The following MEP1A variants were observed in gnomAD, a reference collection of about 807,000 sequenced individuals.
MEP1A encodes the protein meprin A subunit alpha, also known as N-benzoyl-L-tyrosyl-P-amino-benzoic acid hydrolase subunit alpha.
Under a neutral mutation model 84.5 loss-of-function variants are expected in MEP1A, and 68 were observed. That is an observed-to-expected ratio of 0.80 (90% CI 0.66 to 0.98). The LOEUF (loss-of-function observed/expected upper bound fraction) is 0.98, where lower values mean the gene tolerates loss of function less well. Ranked by LOEUF, MEP1A falls within the 50% of genes least tolerant of loss-of-function variation. MEP1A has a pLI of 0.00. For synonymous variants in MEP1A, 337 were observed against 336.8 expected (o/e 1.00, Z -0.01); for missense variants, 887 against 919.9 (o/e 0.96, Z 0.46).
rs1485790670 is a variant in MEP1A at position 46,793,403 on chromosome 6, C to G, written c.5C>G (p.Ala2Gly). Residue 2 changes from alanine (A) to glycine (G), a missense_variant, in exon 1 of 14, where the codon GCT (alanine) becomes GGT (glycine). Ala to Gly is a moderately conservative substitution (Grantham distance 60, BLOSUM62 0). Transcript: ENST00000230588. The part of the protein sequence containing the change: M[A>G]WIRSTCILFF... ...AAAATCAGCTCACTTGCAGCAATGG[C>G]TTGGATTAGATCCACTTGCATTCTC... The G allele has an allele frequency of 6.3e-7, 1 of 1,584,280 alleles. No homozygotes were observed. Among genetic ancestry groups the G allele is most frequent in the East Asian group, 2.2e-5 (1 of 44,496 alleles).
chr6:46,794,973 A>T (rs1767018437), intron 3 of MEP1A, among the ~76,000 whole-genome samples: 1 of 152,164 alleles, frequency 6.6e-6, no homozygotes. Context: ...TCTTCTTTTT[A>T]GGCCATTTCA....
At position 46,826,339 on chromosome 6, in the gene MEP1A, A is replaced by G; in HGVS notation, c.779-15A>G. ...TCTTTCATTTTTAACCAGATGATAA[A>G]AATATAATTTGCAGCCACAACTCAC... On this transcript the variant is annotated splice_polypyrimidine_tract_variant and intron_variant, in intron 8 of 13. Transcript: ENST00000230588. The G allele has an allele frequency of 6.3e-7, 1 of 1,578,134 alleles. No individual in the cohort carries two copies. The highest frequency in any genetic ancestry group is 1.2e-5 in the South Asian group (1 of 83,160).
At chr6:46,796,629 G>T in intron 3 of MEP1A, among the ~76,000 whole-genome samples, 1 of 151,730 alleles carries the variant, frequency 6.6e-6, no homozygotes. Context: ...GACACATTAG[G>T]CATTTAATAA....
At chr6:46,803,870 A>G (rs1192650638) in intron 5 of MEP1A, among the ~76,000 whole-genome samples, 1 of 151,646 alleles carries the variant, frequency 6.6e-6, no homozygotes, top group Non-Finnish European at 1.5e-5. Flanking sequence ...ATGGGATAAA[A>G]GTATGTTTAC....
intron 3 of MEP1A, among the ~76,000 whole-genome samples, chr6:46,797,920 TTCCTTCCTTCTTTCCTTCC>T (rs1562102787): frequency 0.053 from 2,356 of 44,860 alleles, 91 homozygotes; most frequent in African/African-American, 0.13. Context: ...CCTTCCTTCC[TTCCTTCCTTCTTTCCTTCC>T]TTCCTTCCTT....
intron 9 of MEP1A, among the ~76,000 whole-genome samples, chr6:46,829,077 C>A (rs536152589): frequency 1.3e-4 from 20 of 152,312 alleles, no homozygotes; most frequent in Non-Finnish European, 2.9e-5. Flanking sequence ...TCAAACATTG[C>A]TTGAAGCCTG....
At position 46,826,396 on chromosome 6, in the gene MEP1A, C is replaced by G; in HGVS notation, c.821C>G (p.Ala274Gly). The G allele has an allele frequency of 8.7e-6, 14 of 1,609,948 alleles. No individual in the cohort carries two copies. Among genetic ancestry groups the G allele is most frequent in the Non-Finnish European group, 1.2e-5 (14 of 1,178,008 alleles). Residue 274 changes from alanine to glycine, a missense_variant, in exon 9 of 14, where the codon GCA becomes GGA. Physicochemically the swap from Ala to Gly is moderately conservative, Grantham distance 60 (BLOSUM62 0). Transcript: ENST00000230588. ...TLLDHCTFEK[A>G]NICGMIQGTR... Reference sequence around the variant, plus strand: ...TTGGACCACTGTACTTTTGAGAAGGCAAACATCTGTGGAATGATTCAGGGC... The same window carrying G: ...TTGGACCACTGTACTTTTGAGAAGGGAAACATCTGTGGAATGATTCAGGGC...
chr6:46,794,042 A>G (rs1270961538), intron 3 of MEP1A, among the ~76,000 whole-genome samples: 2 of 152,250 alleles, frequency 1.3e-5, no homozygotes, highest in Non-Finnish European at 2.9e-5. Flanking sequence ...AAAGAAAAAT[A>G]TAAGAATAAG....
chr6:46,799,004 T>C, intron 4 of MEP1A, 102 bp from the exon 5 acceptor site: 1 of 744,336 alleles, frequency 1.3e-6, no homozygotes, highest in Non-Finnish European at 2.4e-6. Flanking sequence ...ACTGTTTGAG[T>C]TGTGTGATAG....
At chr6:46,827,613 G>A (rs1268692725) in intron 9 of MEP1A, among the ~76,000 whole-genome samples, 1 of 152,158 alleles carries the variant, frequency 6.6e-6, no homozygotes, top group African/African-American at 2.4e-5. Flanking sequence ...CAGATACCAG[G>A]CCACCACAGG....
rs372174070 is a variant in MEP1A at position 46,839,156 on chromosome 6, C to G, written c.*20C>G. 2.5e-6 allele frequency: 4 copies of G among 1,604,944 alleles called. No homozygotes were observed. Among genetic ancestry groups the G allele is most frequent in the Non-Finnish European group, 3.4e-6 (4 of 1,175,256 alleles). ...AAGTGACCTGCCTGCTGGCATTGGCCAGACCACAGCAGCACCTCCTCCATG... is the reference window on the plus strand; with the variant it reads ...AAGTGACCTGCCTGCTGGCATTGGCGAGACCACAGCAGCACCTCCTCCATG... On this transcript the variant is annotated 3_prime_UTR_variant, in exon 14 of 14. Transcript: ENST00000230588.
At chr6:46,834,314 T>G (rs1205763990) in intron 11 of MEP1A, among the ~76,000 whole-genome samples, 1 of 152,068 alleles carries the variant, frequency 6.6e-6, no homozygotes, top group Non-Finnish European at 1.5e-5. Context: ...AGTCGCTCAG[T>G]AGCAGACAAC....
chr6:46,793,473 T>C lies in MEP1A; in HGVS notation c.69+6T>C, dbSNP rs754264762. 1 of 1,610,758 alleles carries C rather than the reference T, an allele frequency of 6.2e-7. No individual in the cohort carries two copies. The highest frequency in any genetic ancestry group is 1.1e-5 in the South Asian group (1 of 90,218). The stretch of plus-strand genomic sequence containing the variant: ...CCCACATAGCAGCTGTACCGGTAAG[T>C]CGAGTCCTGCTTTTTGGATATTTAG... On this transcript the variant is annotated splice_donor_region_variant and intron_variant, in intron 1 of 13. Coordinates refer to ENST00000230588, the MANE Select transcript of MEP1A (RefSeq NM_005588.3).
intron 6 of MEP1A, among the ~76,000 whole-genome samples, chr6:46,809,945 C>A (rs188641679): frequency 6.6e-6 from 1 of 151,304 alleles, no homozygotes; most frequent in Non-Finnish European, 1.5e-5. Context: ...GTATCTTTTT[C>A]GTATAATGAC....
intron 6 of MEP1A, among the ~76,000 whole-genome samples, chr6:46,814,945 T>C (rs9472875): frequency 0.015 from 2,230 of 152,190 alleles, 50 homozygotes; most frequent in African/African-American, 0.05. Context: ...CCAGTGGAGG[T>C]AGCATGGGAA....
chr6:46,807,781 A>G (rs1348769707), intron 5 of MEP1A, among the ~76,000 whole-genome samples: 1 of 87,740 alleles, frequency 1.1e-5, no homozygotes, highest in Admixed American at 1.1e-4. Flanking sequence ...GAAAGAAAGA[A>G]AGAAAGAAAG....
At chr6:46,844,733 C>T (rs766774218), downstream of MEP1A, among the ~76,000 whole-genome samples, 4 of 152,196 alleles carry the variant, frequency 2.6e-5, no homozygotes, top group Non-Finnish European at 4.4e-5. Flanking sequence ...AATCCCCAAA[C>T]TCCAACTGGT....
intron 10 of MEP1A, among the ~76,000 whole-genome samples, chr6:46,832,448 T>C (rs964703785): frequency 5.3e-5 from 8 of 152,216 alleles, no homozygotes; most frequent in Non-Finnish European, 1.5e-5. Context: ...CAAGTAGACC[T>C]AATCTTTATT....
chr6:46,812,845 T>C (rs1049019378), intron 6 of MEP1A, among the ~76,000 whole-genome samples: 9 of 152,090 alleles, frequency 5.9e-5, no homozygotes, highest in Non-Finnish European at 1.3e-4. Flanking sequence ...GATATAATTT[T>C]GATTTTCTTA....
Sources: allele counts gnomAD v4.1 joint callset (sites outside exome capture counted in the v4.1 genomes callset), GRCh38; gene constraint gnomAD v4.1.1; transcripts MANE v1.5; gene names NCBI Gene and HGNC (gene_info 2026-07-23, HGNC 2026-07-21).